The following ZNF723 variants were observed in gnomAD, a reference collection of about 807,000 sequenced individuals.
ZNF723 encodes zinc finger protein 723, pseudogene.
ZNF723 carries 5 observed loss-of-function variants against 9.4 expected under a neutral mutation model. That is an observed-to-expected ratio of 0.53 (90% confidence interval 0.28 to 1.12). The LOEUF is 1.12. ZNF723 is among the 50% of genes most tolerant of loss of function. ZNF723 has a pLI of 0.10. For missense variants in ZNF723, 450 were observed against 501.5 expected (o/e 0.90, Z 0.98); for synonymous variants, 158 against 168.8 (o/e 0.94, Z 0.49).
intron 1 of ZNF723, among the ~76,000 whole-genome samples, chr19:22,839,767 G>A (rs758603455): frequency 3.9e-5 from 6 of 152,200 alleles, no homozygotes; most frequent in South Asian, 4.2e-4. Context: ...GAGCCACTGC[G>A]CTTGGCCCTG....
chr19:22,812,971 T>TTTGTTTTTG, the ZNF723 span, among the ~76,000 whole-genome samples: 4 of 151,044 alleles, frequency 2.6e-5, no homozygotes, highest in African/African-American at 7.4e-5. Flanking sequence ...TGTTTGTTTG[T>TTTGTTTTTG]TTTTGTTTTG....
At chr19:22,853,269 CT>C (rs910325291) in intron 3 of ZNF723, among the ~76,000 whole-genome samples, 1 of 151,864 alleles carries the variant, frequency 6.6e-6, no homozygotes, top group Non-Finnish European at 1.5e-5. Context: ...AACATTGTTT[CT>C]TTTTTTGAAG....
At position 22,857,309 on chromosome 19, in the gene ZNF723, A is replaced by T; in HGVS notation, c.418A>T (p.Thr140Ser). 1 of 818,248 alleles carries T rather than the reference A, an allele frequency of 1.2e-6. No homozygotes were observed. The highest frequency in any genetic ancestry group is 2.2e-6 in the Non-Finnish European group (1 of 456,206). The allele number at this position is 818,248 out of a possible 1,614,324, so 50.7% of individuals were successfully genotyped here. A position where few individuals can be genotyped will look rare whatever the true frequency, so the allele number is the denominator to read the frequency against. ...TGAACTTAAGCAATGTTTGACAACT[A>T]CCCCGAGCAAAATATTTCAATGTGA... ...YDELKQCLTT[T>S]PSKIFQCDKY... Residue 140 changes from threonine to serine, a missense_variant, in exon 4 of 4, where the codon ACC (threonine) becomes TCC (serine). By Grantham distance (58) the Thr-to-Ser change is moderately conservative. Transcript: ENST00000600766.
At chr19:22,826,352 TA>T in the ZNF723 span, among the ~76,000 whole-genome samples, 2 of 152,232 alleles carry the variant, frequency 1.3e-5, no homozygotes, top group African/African-American at 4.8e-5. Flanking sequence ...TGGACTCAGC[TA>T]ATAGGAGAGA....
chr19:22,853,755 C>G (rs903803613), intron 3 of ZNF723, among the ~76,000 whole-genome samples: 1 of 152,114 alleles, frequency 6.6e-6, no homozygotes, highest in Non-Finnish European at 1.5e-5. Context: ...GCTGGAATTG[C>G]AGGCACCTGA....
chr19:22,838,103 A>C (rs1380633881), intron 1 of ZNF723, among the ~76,000 whole-genome samples: 1 of 152,176 alleles, frequency 6.6e-6, no homozygotes, highest in Non-Finnish European at 1.5e-5. Flanking sequence ...AGTTTGATGT[A>C]AATTATTTTG....
chr19:22,821,040 GTGAGGCTGTGATTCAGATAT>G, the ZNF723 span, among the ~76,000 whole-genome samples: 1 of 152,202 alleles, frequency 6.6e-6, no homozygotes, highest in Admixed American at 6.5e-5. Flanking sequence ...CAGCACAGCT[GTGAGGCTGTGATTCAGATAT>G]TGAGACTCAG....
chr19:22,856,354 T>G (rs549910334), intron 3 of ZNF723, among the ~76,000 whole-genome samples: 40 of 152,350 alleles, frequency 2.6e-4, no homozygotes, highest in Admixed American at 7.8e-4. Context: ...TTTTTCTGTT[T>G]TTCTGTAGTT....
the ZNF723 span, among the ~76,000 whole-genome samples, chr19:22,824,452 C>T: frequency 6.6e-5 from 10 of 152,024 alleles, no homozygotes; most frequent in South Asian, 2.1e-4. Context: ...ATGCCTGGGA[C>T]GTGGTCACTG....
At chr19:22,846,696 G>A (rs1371196865) in intron 1 of ZNF723, among the ~76,000 whole-genome samples, 1 of 151,684 alleles carries the variant, frequency 6.6e-6, no homozygotes, top group Non-Finnish European at 1.5e-5. Flanking sequence ...TCTCTAGGGT[G>A]CTCAAAAAAG....
At chr19:22,852,091 A>C (rs1967405681) in intron 3 of ZNF723, among the ~76,000 whole-genome samples, 1 of 152,102 alleles carries the variant, frequency 6.6e-6, no homozygotes, top group Non-Finnish European at 1.5e-5. Flanking sequence ...GCCCAGCTAG[A>C]ATTTTTTTTA....
intron 1 of ZNF723, among the ~76,000 whole-genome samples, chr19:22,840,258 G>A (rs183653644): frequency 1.4e-4 from 21 of 151,664 alleles, no homozygotes; most frequent in African/African-American, 4.1e-4. Flanking sequence ...TGCAATCTCC[G>A]CCTCCTGGGT....
chr19:22,845,317 T>G (rs1237547250), intron 1 of ZNF723, among the ~76,000 whole-genome samples: 4 of 152,176 alleles, frequency 2.6e-5, no homozygotes, highest in Admixed American at 6.5e-5. Flanking sequence ...TTAATGTGGA[T>G]TACTTAGATG....
chr19:22,853,144 A>G (rs1967421227), intron 3 of ZNF723, among the ~76,000 whole-genome samples: 1 of 152,092 alleles, frequency 6.6e-6, no homozygotes, highest in African/African-American at 2.4e-5. Context: ...ATGACAGTTT[A>G]TATATGTGCT....
At chr19:22,851,225 G>A (rs548440029) in intron 3 of ZNF723, among the ~76,000 whole-genome samples, 3 of 151,854 alleles carry the variant, frequency 2.0e-5, no homozygotes, top group East Asian at 3.9e-4. Flanking sequence ...AGGCTGGAGC[G>A]CGGTGGCACG....
At chr19:22,846,519 A>G (rs956278027) in intron 1 of ZNF723, among the ~76,000 whole-genome samples, 4 of 152,148 alleles carry the variant, frequency 2.6e-5, no homozygotes, top group African/African-American at 9.6e-5. Context: ...GCTACTTGAT[A>G]GGCCGAGGCA....
intron 1 of ZNF723, among the ~76,000 whole-genome samples, chr19:22,846,411 T>C (rs1471164286): frequency 6.6e-6 from 1 of 152,100 alleles, no homozygotes; most frequent in Non-Finnish European, 1.5e-5. Context: ...TCACCTGAGG[T>C]CAGGAGTTCA....
At chr19:22,820,963 G>C in the ZNF723 span, among the ~76,000 whole-genome samples, 33 of 152,306 alleles carry the variant, frequency 2.2e-4, no homozygotes, top group Non-Finnish European at 4.3e-4. Flanking sequence ...GTAGTCAAAA[G>C]TTGGAATTGT....
intron 3 of ZNF723, among the ~76,000 whole-genome samples, chr19:22,855,230 CT>C (rs71163413): frequency 0.094 from 12,673 of 134,954 alleles, 934 homozygotes; most frequent in African/African-American, 0.25. Flanking sequence ...TATGTGTTTT[CT>C]TTTTTTTTTT....
Sources: gnomAD v4.1 joint callset for allele counts (sites outside exome capture counted in the v4.1 genomes callset) on GRCh38, gnomAD v4.1.1 for gene constraint, MANE v1.5 for transcripts, NCBI Gene and HGNC (gene_info 2026-07-23, HGNC 2026-07-21) for gene names.